The following LTBP1 variants were observed in gnomAD, a reference collection of about 807,000 sequenced individuals.
LTBP1 encodes latent transforming growth factor beta binding protein 1, also known as latent-transforming growth factor beta-binding protein 1.
LTBP1 carries 129 observed loss-of-function variants against 207.6 expected under a neutral mutation model. The observed-to-expected ratio is 0.62, with a 90% CI of 0.54 to 0.72. The LOEUF is 0.72. Among genes scored for constraint, LTBP1 ranks in the 30% least tolerant of loss-of-function variants. LTBP1 has a pLI of 0.00. For synonymous variants in LTBP1, 963 were observed against 833.7 expected (o/e 1.16, Z -2.67); for missense variants, 2,281 against 2,217.2 (o/e 1.03, Z -0.58).
intron 19 of LTBP1, among the ~76,000 whole-genome samples, chr2:33,292,251 A>G (rs977688915): frequency 6.6e-6 from 1 of 152,196 alleles, no homozygotes; most frequent in Non-Finnish European, 1.5e-5. Context: ...ATTATTTTCA[A>G]TATAAATGCT....
intron 19 of LTBP1, among the ~76,000 whole-genome samples, chr2:33,283,761 C>T (rs2093611164): frequency 6.6e-6 from 1 of 152,100 alleles, no homozygotes; most frequent in Non-Finnish European, 1.5e-5. Flanking sequence ...GCAATCACAC[C>T]ATTTTGGTGA....
intron 4 of LTBP1, among the ~76,000 whole-genome samples, 172 bp downstream of exon 4, chr2:33,110,923 T>C (rs968541314): frequency 6.6e-6 from 1 of 152,190 alleles, no homozygotes; most frequent in Non-Finnish European, 1.5e-5. Flanking sequence ...ATGGTTTCCT[T>C]ATTCTGAGGA....
At chr2:33,391,708 C>T (rs1416374228) in intron 32 of LTBP1, among the ~76,000 whole-genome samples, 1 of 152,158 alleles carries the variant, frequency 6.6e-6, no homozygotes, top group African/African-American at 2.4e-5. Flanking sequence ...AGTCAGAAGC[C>T]TCTATGGCAT....
At chr2:33,209,249 C>G (rs2090115893) in intron 7 of LTBP1, among the ~76,000 whole-genome samples, 1 of 152,132 alleles carries the variant, frequency 6.6e-6, no homozygotes, top group Non-Finnish European at 1.5e-5. Context: ...CCATTGCTAT[C>G]TAAACCTGAA....
At chr2:33,223,651 G>A (rs146794139) in intron 9 of LTBP1, among the ~76,000 whole-genome samples, 2 of 152,258 alleles carry the variant, frequency 1.3e-5, no homozygotes, top group East Asian at 3.9e-4. Context: ...AAAGTCTATA[G>A]CCTTAGCACA....
chr2:33,244,860 T>TTATCTATCTATCTATC lies in LTBP1; in HGVS notation c.1999+1088_1999+1103dup, dbSNP rs71409605. ...GTTTCTTTCCTGCAAGTTTTTGTTT[T>TTATCTATCTATCTATC]TATCTATCTATCTATCTATCTATCT... On this transcript the variant is annotated intron_variant, in intron 10 of 33. Coordinates refer to ENST00000404816, the MANE Select transcript of LTBP1 (RefSeq NM_206943.4). 1.1e-3 allele frequency among the ~76,000 whole-genome samples: 163 copies of TTATCTATCTATCTATC among 150,962 alleles called. 1 individual carries two copies. Among genetic ancestry groups the TTATCTATCTATCTATC allele is most frequent in the Admixed American group, 4.6e-3 (69 of 15,152 alleles).
In LTBP1 at chr2:33,058,904, C is replaced by T. The variant is rs114058386; in HGVS notation, c.863+37698C>T. On this transcript the variant is annotated intron_variant, in intron 3 of 33. Coordinates refer to ENST00000404816, the MANE Select transcript of LTBP1 (RefSeq NM_206943.4). ...TGCACGTGTTGAAATGGCAGTGCTG[C>T]GGGAGAGGTTGGAAAATGTGTGATG... Among the ~76,000 whole-genome samples, 982 of 152,198 alleles carry T rather than the reference C, an allele frequency of 6.5e-3. 6 individuals carry two copies. The highest frequency in any genetic ancestry group is 0.017 in the Middle Eastern group (5 of 294).
At chr2:33,278,515 A>G (rs1481397103) in intron 18 of LTBP1, among the ~76,000 whole-genome samples, 2 of 152,228 alleles carry the variant, frequency 1.3e-5, no homozygotes, top group Non-Finnish European at 2.9e-5. Context: ...ATTGTAGTTT[A>G]CAGACATTAT....
At chr2:33,120,880 C>T (rs904740178) in intron 4 of LTBP1, among the ~76,000 whole-genome samples, 1 of 152,172 alleles carries the variant, frequency 6.6e-6, no homozygotes, top group Non-Finnish European at 1.5e-5. Context: ...AAGCAAAGTA[C>T]TATGCTATTA....
intron 3 of LTBP1, among the ~76,000 whole-genome samples, chr2:33,029,491 AAAAG>A (rs1255105323): frequency 1.3e-5 from 2 of 152,242 alleles, no homozygotes; most frequent in African/African-American, 4.8e-5. Flanking sequence ...GAAGAAAAAA[AAAAG>A]AAAGTTATTA....
intron 2 of LTBP1, among the ~76,000 whole-genome samples, chr2:33,008,664 T>C (rs1310543358): frequency 6.6e-6 from 1 of 152,236 alleles, no homozygotes; most frequent in African/African-American, 2.4e-5. Context: ...TAAAATAGTC[T>C]TTCTCCCTGT....
intron 9 of LTBP1, among the ~76,000 whole-genome samples, chr2:33,227,545 C>G (rs1180321829): frequency 6.6e-6 from 1 of 152,070 alleles, no homozygotes. Context: ...TACTTATGCC[C>G]CATGCCACAC....
chr2:32,959,619 A>ATTTTTTTTTT lies in LTBP1; in HGVS notation c.565+10675_565+10676insTTTTTTTTTT, dbSNP rs1378144146. 3.5e-3 allele frequency among the ~76,000 whole-genome samples: 166 copies of ATTTTTTTTTT among 48,058 alleles called. 1 individual carries two copies. In the East Asian group the frequency reaches 0.035, roughly 10 times the overall value. The allele number at this position is 48,058 out of a possible 152,430, so 31.5% of individuals were successfully genotyped here. On this transcript the variant is annotated intron_variant, in intron 2 of 33. Coordinates refer to ENST00000404816, the MANE Select transcript of LTBP1 (RefSeq NM_206943.4). Reference sequence around the variant, plus strand: ...CGTGTATATATATATATATATATATATATTTTTTTTTTTTTTTTTGAGATG... The same window carrying ATTTTTTTTTT: ...CGTGTATATATATATATATATATATATTTTTTTTTTTATTTTTTTTTTTTTTTTTGAGATG...
chr2:32,994,052 G>C (rs529003427), intron 2 of LTBP1, among the ~76,000 whole-genome samples: 2 of 150,022 alleles, frequency 1.3e-5, no homozygotes, highest in Admixed American at 1.3e-4. Flanking sequence ...CTTGACTGTG[G>C]GAAAGAGTAG....
chr2:32,971,359 T>A (rs896633747), intron 2 of LTBP1, among the ~76,000 whole-genome samples: 2 of 152,158 alleles, frequency 1.3e-5, no homozygotes, highest in Non-Finnish European at 2.9e-5. Flanking sequence ...TGGGCATCCT[T>A]GTCTTGTTCT....
chr2:33,114,686 G>A (rs1021379352), intron 4 of LTBP1, among the ~76,000 whole-genome samples: 1 of 152,068 alleles, frequency 6.6e-6, no homozygotes, highest in Admixed American at 6.6e-5. Flanking sequence ...TTTAATTTTA[G>A]AATAATGGGC....
chr2:33,269,555 C>T (rs560156903), intron 15 of LTBP1, among the ~76,000 whole-genome samples: 2 of 152,330 alleles, frequency 1.3e-5, no homozygotes, highest in South Asian at 2.1e-4. Flanking sequence ...TTCCCATTCA[C>T]CAGCATACAT....
At chr2:33,003,919 T>C (rs1686404971) in intron 2 of LTBP1, among the ~76,000 whole-genome samples, 1 of 152,202 alleles carries the variant, frequency 6.6e-6, no homozygotes. Context: ...GCCCAGCAAC[T>C]GCCTGTCCAA....
intron 9 of LTBP1, 101 bp from the exon 10 acceptor site, chr2:33,243,561 A>G: frequency 1.9e-6 from 2 of 1,075,882 alleles, no homozygotes; most frequent in Non-Finnish European, 2.7e-6. Context: ...CACTATAACT[A>G]AAAGATTACT....
Sources: gnomAD v4.1 joint callset for allele counts (sites outside exome capture counted in the v4.1 genomes callset) on GRCh38, gnomAD v4.1.1 for gene constraint, MANE v1.5 for transcripts, NCBI Gene and HGNC (gene_info 2026-07-23, HGNC 2026-07-21) for gene names.